Variants in TBX5 observed in about 807,000 individuals in gnomAD.
The protein encoded by TBX5 is T-box transcription factor TBX5.
TBX5 carries 8 observed loss-of-function variants against 51.1 expected under a neutral mutation model. The observed-to-expected ratio is 0.16, with a 90% CI of 0.09 to 0.28. The LOEUF is 0.28. Among genes scored for constraint, TBX5 ranks in the 10% least tolerant of loss-of-function variants. The pLI is 1.00. For missense variants in TBX5, 589 were observed against 671.7 expected (o/e 0.88, Z 1.36); for synonymous variants, 302 against 266.4 (o/e 1.13, Z -1.30).
At position 114,403,942 on chromosome 12, in the gene TBX5, G is replaced by A. The variant is rs1373433366; in HGVS notation, c.-38-6C>T. 1 of 1,601,172 alleles carries A rather than the reference G, an allele frequency of 6.2e-7. No homozygotes were observed. Among genetic ancestry groups the A allele is most frequent in the Non-Finnish European group, 8.5e-7 (1 of 1,178,506 alleles). On this transcript the variant is annotated splice_region_variant and splice_polypyrimidine_tract_variant and intron_variant, in intron 1 of 8. Transcript: ENST00000405440. Reference sequence around the variant, plus strand: ...TGCCCGCGCAAGGTTCTGCTCTGAGGACAAGAAGCAGGGGGAGATGGGGGT... The same window carrying A: ...TGCCCGCGCAAGGTTCTGCTCTGAGAACAAGAAGCAGGGGGAGATGGGGGT...
Position 114,403,863 on chromosome 12 carries a change from G to A in TBX5, c.36C>T (p.His12=). Residue 12 remains histidine, a synonymous_variant, in exon 2 of 9, where the codon CAC becomes CAT. Transcript: ENST00000405440. The part of the protein sequence containing the change: ...ADADEGFGLA[H]TPLEPDAKDL... ...CTTTTGCGTCAGGCTCCAGAGGCGTGTGCGCCAGGCCAAAGCCCTCGTCTG... is the reference window on the plus strand; with the variant it reads ...CTTTTGCGTCAGGCTCCAGAGGCGTATGCGCCAGGCCAAAGCCCTCGTCTG... The A allele has an allele frequency of 6.2e-7, 1 of 1,613,770 alleles. No individual in the cohort carries two copies. The highest frequency in any genetic ancestry group is 1.1e-5 in the South Asian group (1 of 91,074).
chr12:114,404,992 T>C (rs1392187863), intron 1 of TBX5, among the ~76,000 whole-genome samples: 1 of 152,226 alleles, frequency 6.6e-6, no homozygotes, highest in East Asian at 1.9e-4. Context: ...CCGATGAGCC[T>C]GTCTCCTGCT....
intron 6 of TBX5, among the ~76,000 whole-genome samples, chr12:114,389,332 T>A (rs926292060): frequency 6.6e-6 from 1 of 152,136 alleles, no homozygotes; most frequent in African/African-American, 2.4e-5. Context: ...ATTTTAAGAG[T>A]CTAAAAACCC....
chr12:114,378,503 A>G lies in TBX5; in HGVS notation c.755+6973T>C, dbSNP rs141580328. ...GCGATCGAGCGTCCCTCTGGGCCAG[A>G]CACTGTGCTGTGTGCTTCCATGCCT... On this transcript the variant is annotated intron_variant, in intron 7 of 8. Transcript: ENST00000405440. 4.0e-3 allele frequency among the ~76,000 whole-genome samples: 616 copies of G among 152,322 alleles called. 1 individual carries two copies. The highest frequency in any genetic ancestry group is 6.3e-3 in the Non-Finnish European group (429 of 68,038).
chr12:114,356,973 T>G (rs561661775), intron 8 of TBX5, among the ~76,000 whole-genome samples: 3 of 151,068 alleles, frequency 2.0e-5, no homozygotes, highest in Non-Finnish European at 4.4e-5. Flanking sequence ...AGAGAAAGCA[T>G]GCAATAAATA....
At chr12:114,392,957 G>C (rs11067098) in intron 6 of TBX5, among the ~76,000 whole-genome samples, 5 of 152,234 alleles carry the variant, frequency 3.3e-5, no homozygotes, top group Middle Eastern at 6.8e-3. Flanking sequence ...TTTTCTTTCC[G>C]AGGGCAGGAA....
intron 1 of TBX5, among the ~76,000 whole-genome samples, chr12:114,405,211 C>A (rs2136426869): frequency 6.6e-6 from 1 of 152,302 alleles, no homozygotes; most frequent in Non-Finnish European, 1.5e-5. Context: ...TTGCAAGCAG[C>A]TTTCTTCGCC....
At chr12:114,372,679 C>A (rs1287415770) in intron 7 of TBX5, among the ~76,000 whole-genome samples, 1 of 152,048 alleles carries the variant, frequency 6.6e-6, no homozygotes, top group Non-Finnish European at 1.5e-5. Flanking sequence ...GCACTTCTCT[C>A]CCTGGCCTTA....
intron 7 of TBX5, among the ~76,000 whole-genome samples, chr12:114,380,761 C>G (rs1015343765): frequency 6.6e-6 from 1 of 151,944 alleles, no homozygotes; most frequent in African/African-American, 2.4e-5. Context: ...CTCAGGAGTT[C>G]GAGGCTGCAG....
intron 6 of TBX5, among the ~76,000 whole-genome samples, chr12:114,392,006 C>A (rs1206226843): frequency 6.6e-6 from 1 of 152,042 alleles, no homozygotes; most frequent in South Asian, 2.1e-4. Flanking sequence ...CTAAACAGAA[C>A]ATTATGCACA....
chr12:114,399,779 C>T, intron 3 of TBX5, 147 bp from the exon 4 acceptor site: 2 of 1,336,504 alleles, frequency 1.5e-6, no homozygotes, highest in Admixed American at 1.9e-5. Context: ...CAAGATCCAT[C>T]CCGGGTTTCC....
chr12:114,384,976 C>T lies in TBX5; in HGVS notation c.755+500G>A, dbSNP rs538734220. On this transcript the variant is annotated intron_variant, in intron 7 of 8. Transcript: ENST00000405440. Reference sequence around the variant, plus strand: ...ATGACCACAGGATATGTAAAAATACCGAGCAATTTTTAGCACCAGCTTCCA... The same window carrying T: ...ATGACCACAGGATATGTAAAAATACTGAGCAATTTTTAGCACCAGCTTCCA... Among the ~76,000 whole-genome samples the T allele has an allele frequency of 8.1e-4, 123 of 152,098 alleles. 1 individual carries two copies. Among genetic ancestry groups the T allele is most frequent in the Non-Finnish European group, 1.5e-3 (101 of 67,980 alleles).
chr12:114,388,024 G>T (rs1206964530), intron 6 of TBX5, among the ~76,000 whole-genome samples: 20 of 152,102 alleles, frequency 1.3e-4, no homozygotes, highest in Middle Eastern at 3.4e-3. Context: ...TTTATTTTTA[G>T]TTTCAGTTCA....
intron 8 of TBX5, among the ~76,000 whole-genome samples, chr12:114,359,605 C>A (rs766215946): frequency 1.1e-4 from 17 of 152,058 alleles, no homozygotes; most frequent in Non-Finnish European, 2.4e-4. Context: ...TGATTCTGAC[C>A]ACTCATTATG....
intron 7 of TBX5, among the ~76,000 whole-genome samples, chr12:114,376,677 T>C (rs1364119472): frequency 2.7e-5 from 4 of 150,746 alleles, no homozygotes; most frequent in Admixed American, 6.6e-5. Flanking sequence ...AATATATATA[T>C]ACACAAGAAA....
At chr12:114,404,422 G>C (rs907621224) in intron 1 of TBX5, among the ~76,000 whole-genome samples, 4 of 152,034 alleles carry the variant, frequency 2.6e-5, no homozygotes, top group Non-Finnish European at 4.4e-5. Flanking sequence ...CCTCACAAGA[G>C]GAATAGTTTT....
At chr12:114,382,037 C>T (rs1870532202) in intron 7 of TBX5, among the ~76,000 whole-genome samples, 2 of 152,222 alleles carry the variant, frequency 1.3e-5, no homozygotes, top group East Asian at 1.9e-4. Context: ...AAGCAATCTG[C>T]AATACCTTGA....
Position 114,389,753 on chromosome 12 carries a change from CAAAAAAAAAAAAAAAAAAAAAA to C in TBX5, c.664-4208_664-4187del, listed in dbSNP as rs55649814. Among the ~76,000 whole-genome samples, 227 of 40,248 alleles carry C rather than the reference CAAAAAAAAAAAAAAAAAAAAAA, an allele frequency of 5.6e-3. 4 individuals carry two copies. The highest frequency in any genetic ancestry group is 4.7e-3 in the Non-Finnish European group (107 of 22,674). The allele number at this position is 40,248 out of a possible 152,430, so 26.4% of individuals were successfully genotyped here. On this transcript the variant is annotated intron_variant, in intron 6 of 8. Transcript: ENST00000405440. Reference sequence around the variant, plus strand: ...TGGGCGACAGAGCGAGACTCCGTCTCAAAAAAAAAAAAAAAAAAAAAAAAAAAAAAAAAAAAGTGGATGAAGG... The same window carrying C: ...TGGGCGACAGAGCGAGACTCCGTCTCAAAAAAAAAAAAAAGTGGATGAAGG...
intron 7 of TBX5, among the ~76,000 whole-genome samples, chr12:114,368,213 T>C (rs1027858977): frequency 3.9e-5 from 6 of 152,224 alleles, no homozygotes; most frequent in African/African-American, 1.4e-4. Flanking sequence ...TATGTGCCTA[T>C]GGTCATAGCA....
Sources: allele counts gnomAD v4.1 joint callset (sites outside exome capture counted in the v4.1 genomes callset), GRCh38; gene constraint gnomAD v4.1.1; transcripts MANE v1.5; gene names NCBI Gene and HGNC (gene_info 2026-07-23, HGNC 2026-07-21).